VPS41: variants seen among roughly 807,000 people sequenced by gnomAD.
The protein encoded by VPS41 is VPS41 subunit of HOPS complex, also known as vacuolar protein sorting-associated protein 41 homolog.
Under a neutral mutation model 130.9 loss-of-function variants are expected in VPS41, and 85 were observed. The observed-to-expected ratio is 0.65, with a 90% confidence interval of 0.55 to 0.78. The LOEUF (loss-of-function observed/expected upper bound fraction) is 0.78, where lower values mean the gene tolerates loss of function less well. VPS41 is among the 30% of genes least tolerant of loss of function. VPS41 has a pLI of 0.00. For missense variants in VPS41, 874 were observed against 1,018.7 expected, an observed-to-expected ratio of 0.86 and a Z score of 1.93; for synonymous variants, 335 against 332.9, an observed-to-expected ratio of 1.01 and a Z score of -0.07.
intron 4 of VPS41, among the ~76,000 whole-genome samples, chr7:38,858,395 C>T (rs1307387494): frequency 3.3e-5 from 5 of 152,214 alleles, no homozygotes; most frequent in South Asian, 4.1e-4. Context: ...ATGTTAATGC[C>T]GGTCAGTTGT....
At chr7:38,888,986 T>C (rs1252873256) in intron 2 of VPS41, among the ~76,000 whole-genome samples, 3 of 151,878 alleles carry the variant, frequency 2.0e-5, no homozygotes, top group Admixed American at 2.0e-4. Flanking sequence ...GGGAAATCAT[T>C]AGGAGAAATA....
At chr7:38,805,870 A>C (rs1784830760) in intron 7 of VPS41, among the ~76,000 whole-genome samples, 1 of 152,192 alleles carries the variant, frequency 6.6e-6, no homozygotes, top group South Asian at 2.1e-4. Flanking sequence ...GATTTGGCCA[A>C]AATTGGAGAA....
At chr7:38,794,331 A>C (rs531218020) in intron 9 of VPS41, among the ~76,000 whole-genome samples, 1 of 152,316 alleles carries the variant, frequency 6.6e-6, no homozygotes, top group Non-Finnish European at 1.5e-5. Context: ...TAACACATGA[A>C]GAAAAAAGAA....
Position 38,886,225 on chromosome 7 carries a change from G to A in VPS41, c.60+11866C>T, listed in dbSNP as rs139988384. Among the ~76,000 whole-genome samples the A allele has an allele frequency of 9.7e-3, 1,484 of 152,206 alleles. 6 individuals carry two copies. Among genetic ancestry groups the A allele is most frequent in the Non-Finnish European group, 0.014 (976 of 68,010 alleles). On this transcript the variant is annotated intron_variant, in intron 2 of 28. Coordinates refer to ENST00000310301, the MANE Select transcript of VPS41 (RefSeq NM_014396.4). ...TCACCTCACCCTCACAAAAGGGGTC[G>A]GGGGATTTCCCTTTCTTAGTCAATG...
At chr7:38,890,829 G>A (rs1308082215) in intron 2 of VPS41, among the ~76,000 whole-genome samples, 1 of 151,932 alleles carries the variant, frequency 6.6e-6, no homozygotes, top group Non-Finnish European at 1.5e-5. Context: ...ATGTCTACAG[G>A]CAAGCTCCAT....
intron 4 of VPS41, among the ~76,000 whole-genome samples, chr7:38,847,889 C>T (rs2116250931): frequency 6.6e-6 from 1 of 152,200 alleles, no homozygotes; most frequent in East Asian, 1.9e-4. Flanking sequence ...CCCTTGTTTT[C>T]CACATTAGTA....
chr7:38,809,575 C>T (rs2116056255), intron 7 of VPS41, among the ~76,000 whole-genome samples: 1 of 152,182 alleles, frequency 6.6e-6, no homozygotes, highest in East Asian at 1.9e-4. Context: ...CTGCTGGAAG[C>T]TTATAGAAGC....
At chr7:38,898,590 G>C (rs1391943561) in intron 1 of VPS41, among the ~76,000 whole-genome samples, 1 of 152,196 alleles carries the variant, frequency 6.6e-6, no homozygotes, top group African/African-American at 2.4e-5. Flanking sequence ...CTTTTTAAAA[G>C]AATCTCCTAC....
Position 38,767,608 on chromosome 7 carries a change from G to C in VPS41, c.1186-10C>G. 1.2e-6 allele frequency: 2 copies of C among 1,603,266 alleles called. No homozygotes were observed. The highest frequency in any genetic ancestry group is 1.7e-6 in the Non-Finnish European group (2 of 1,173,038). On this transcript the variant is annotated splice_polypyrimidine_tract_variant and intron_variant, in intron 14 of 28. Coordinates refer to ENST00000310301, the MANE Select transcript of VPS41 (RefSeq NM_014396.4). Reference sequence around the variant, plus strand: ...ATGCCAAGCCAATATCCTAGAGAAAGCCAAATGAAGAAATGTCAAAATTTA... The same window carrying C: ...ATGCCAAGCCAATATCCTAGAGAAACCCAAATGAAGAAATGTCAAAATTTA...
At chr7:38,794,397 T>A (rs938131100) in intron 9 of VPS41, among the ~76,000 whole-genome samples, 9 of 152,202 alleles carry the variant, frequency 5.9e-5, no homozygotes, top group Non-Finnish European at 1.0e-4. Flanking sequence ...AATGTTTGTT[T>A]TGCTAATAAC....
intron 7 of VPS41, among the ~76,000 whole-genome samples, chr7:38,802,970 T>C (rs1250493230): frequency 6.6e-6 from 1 of 152,236 alleles, no homozygotes; most frequent in East Asian, 1.9e-4. Flanking sequence ...AAGAGGTCTA[T>C]TTTTTTGTTG....
Position 38,726,211 on chromosome 7 carries a change from G to C in VPS41, c.*35C>G. On this transcript the variant is annotated 3_prime_UTR_variant, in exon 29 of 29. Transcript: ENST00000310301. ...GTTGTTGCAAAAACAGTCTCAAAAA[G>C]AGTGGTGACAAGGAGACTGACAAGG... 1 of 1,446,298 alleles carries C rather than the reference G, an allele frequency of 6.9e-7. No individual in the cohort carries two copies. 89.6% of individuals were successfully genotyped at this position (1,446,298 alleles called of 1,614,324 possible).
intron 4 of VPS41, among the ~76,000 whole-genome samples, chr7:38,839,994 C>A (rs939971185): frequency 6.6e-6 from 1 of 152,172 alleles, no homozygotes; most frequent in African/African-American, 2.4e-5. Context: ...CTCAGTGCTC[C>A]GGGGCCTCCC....
At chr7:38,875,614 T>C (rs935266575) in intron 2 of VPS41, among the ~76,000 whole-genome samples, 1 of 152,152 alleles carries the variant, frequency 6.6e-6, no homozygotes, top group African/African-American at 2.4e-5. Flanking sequence ...GAAAACTACA[T>C]AAACAAGCTG....
At chr7:38,892,152 T>C (rs764304195) in intron 2 of VPS41, among the ~76,000 whole-genome samples, 17 of 151,958 alleles carry the variant, frequency 1.1e-4, no homozygotes, top group Non-Finnish European at 2.1e-4. Flanking sequence ...ATAGAGAAAA[T>C]TCCAAAGATT....
intron 22 of VPS41, among the ~76,000 whole-genome samples, chr7:38,748,025 G>A (rs1159427484): frequency 6.6e-6 from 1 of 152,180 alleles, no homozygotes; most frequent in East Asian, 1.9e-4. Flanking sequence ...TTCATGATGA[G>A]TTTCTAACAG....
At position 38,831,189 on chromosome 7, in the gene VPS41, G is replaced by T. The variant is rs544187977; in HGVS notation, c.247-861C>A. 7.0e-5 allele frequency: 33 copies of T among 470,512 alleles called. No homozygotes were observed. The East Asian group carries it at 2.2e-3, about 32-fold the overall frequency. The allele number at this position is 470,512 out of a possible 1,614,324, so 29.1% of individuals were successfully genotyped here. A position where few individuals can be genotyped will look rare whatever the true frequency, so the allele number is the denominator to read the frequency against. On this transcript the variant is annotated intron_variant, in intron 4 of 28. Coordinates refer to ENST00000310301, the MANE Select transcript of VPS41 (RefSeq NM_014396.4). ...TACATTTTTTTAAATATCGATTTTA[G>T]TCTTGGCAAATATAAACTGCACCTA... is the stretch of plus-strand genomic sequence containing the variant.
chr7:38,848,953 G>T (rs1235518761), intron 4 of VPS41, among the ~76,000 whole-genome samples: 2 of 152,210 alleles, frequency 1.3e-5, no homozygotes, highest in East Asian at 3.9e-4. Context: ...AGGTTCAAGG[G>T]ACTCATTTTC....
At chr7:38,768,723 C>T (rs1024937630) in intron 14 of VPS41, among the ~76,000 whole-genome samples, 1 of 152,178 alleles carries the variant, frequency 6.6e-6, no homozygotes, top group Non-Finnish European at 1.5e-5. Context: ...GAAAGAATGT[C>T]TCCTTTTCAG....
Sources: gnomAD v4.1 joint callset for allele counts (sites outside exome capture counted in the v4.1 genomes callset) on GRCh38, gnomAD v4.1.1 for gene constraint, MANE v1.5 for transcripts, NCBI Gene and HGNC (gene_info 2026-07-23, HGNC 2026-07-21) for gene names.